SNTB1: variants seen among roughly 807,000 people sequenced by gnomAD.
SNTB1 encodes the protein syntrophin beta 1.
A neutral mutation model predicts 48.9 loss-of-function variants in SNTB1; 36 were observed. That is an observed-to-expected ratio of 0.74 (90% CI 0.56 to 0.97). SNTB1 has a LOEUF of 0.97. Among genes scored for constraint, SNTB1 ranks in the 50% least tolerant of loss-of-function variants. The pLI is 0.00. For synonymous variants in SNTB1, 299 were observed against 294.6 expected, an observed-to-expected ratio of 1.01 and a Z score of -0.15; for missense variants, 786 against 703.4, an observed-to-expected ratio of 1.12 and a Z score of -1.33.
intron 3 of SNTB1, among the ~76,000 whole-genome samples, chr8:120,603,431 C>T (rs554412206): frequency 2.3e-4 from 35 of 152,288 alleles, no homozygotes; most frequent in African/African-American, 7.9e-4. Context: ...TTTCCACACT[C>T]GTCACTTTTC....
chr8:120,678,108 A>C lies in SNTB1; in HGVS notation c.788+15584T>G, dbSNP rs76746689. ...TGAAAAAAACACCACATTATAAGTG[A>C]AAGTGTGCGCATAAAGGGTAAGTGA... On this transcript the variant is annotated intron_variant, in intron 2 of 6. Transcript: ENST00000517992. Among the ~76,000 whole-genome samples the C allele has an allele frequency of 8.3e-4, 127 of 152,310 alleles. No homozygotes were observed. In the East Asian group the frequency reaches 0.02, roughly 24 times the overall value.
chr8:120,780,123 C>T (rs1170754704), intron 1 of SNTB1, among the ~76,000 whole-genome samples: 1 of 148,658 alleles, frequency 6.7e-6, no homozygotes, highest in Non-Finnish European at 1.5e-5. Flanking sequence ...AGCAGGAGAA[C>T]CAGGAAAGAG....
chr8:120,811,837 C>T lies in SNTB1; in HGVS notation c.7G>A (p.Val3Ile), dbSNP rs1820443775. Residue 3 changes from valine to isoleucine, a missense_variant, in exon 1 of 7, where the codon GTA (valine) becomes ATA (isoleucine). Coordinates refer to ENST00000517992, the MANE Select transcript of SNTB1 (RefSeq NM_021021.4). ...CCAGCCGCCGCCGCCGCCGCCGCTA[C>T]CGCCATCTTTCCGGCATTCTTAAAA... MA[V>I]AAAAAAAGPA... is the part of the protein sequence containing the mutation. The T allele has an allele frequency of 7.4e-7, 1 of 1,347,430 alleles. No homozygotes were observed. Among genetic ancestry groups the T allele is most frequent in the Non-Finnish European group, 9.5e-7 (1 of 1,053,246 alleles). The allele number at this position is 1,347,430 out of a possible 1,614,324, so 83.5% of individuals were successfully genotyped here. A position where few individuals can be genotyped will look rare whatever the true frequency, so the allele number is the denominator to read the frequency against.
chr8:120,539,122 A>G (rs761368081), intron 6 of SNTB1, among the ~76,000 whole-genome samples, 153 bp from the exon 7 acceptor site: 2 of 152,214 alleles, frequency 1.3e-5, no homozygotes, highest in African/African-American at 4.8e-5. Flanking sequence ...TCAATGAGAT[A>G]AAGGAACAAC....
At chr8:120,575,788 C>A (rs4515597) in intron 3 of SNTB1, among the ~76,000 whole-genome samples, 1 of 151,862 alleles carries the variant, frequency 6.6e-6, no homozygotes, top group South Asian at 2.1e-4. Context: ...CATTCACCAC[C>A]CATAATTTAT....
At chr8:120,563,521 G>A (rs773964387) in intron 4 of SNTB1, among the ~76,000 whole-genome samples, 1 of 152,104 alleles carries the variant, frequency 6.6e-6, no homozygotes, top group African/African-American at 2.4e-5. Context: ...CTGCATGGCA[G>A]TCGACACCAG....
chr8:120,543,100 T>A (rs1815319926), intron 5 of SNTB1, among the ~76,000 whole-genome samples: 1 of 152,188 alleles, frequency 6.6e-6, no homozygotes, highest in East Asian at 1.9e-4. Flanking sequence ...ATTCTCACTA[T>A]GTTTAGGAAA....
At chr8:120,727,625 A>C in intron 1 of SNTB1, among the ~76,000 whole-genome samples, 1 of 152,208 alleles carries the variant, frequency 6.6e-6, no homozygotes, top group East Asian at 1.9e-4. Context: ...TCATATGTAG[A>C]CTATTGCAAC....
chr8:120,664,501 T>C (rs1050700235), intron 2 of SNTB1, among the ~76,000 whole-genome samples: 3 of 152,238 alleles, frequency 2.0e-5, no homozygotes, highest in Non-Finnish European at 4.4e-5. Flanking sequence ...TTGCATTTTC[T>C]AGAATTTTAA....
intron 2 of SNTB1, among the ~76,000 whole-genome samples, chr8:120,650,097 C>T (rs1425513465): frequency 2.0e-5 from 3 of 152,350 alleles, no homozygotes; most frequent in African/African-American, 7.2e-5. Context: ...AACCCAGTAC[C>T]TCAGATGGAA....
At chr8:120,651,281 C>G (rs1455239276) in intron 2 of SNTB1, among the ~76,000 whole-genome samples, 1 of 152,126 alleles carries the variant, frequency 6.6e-6, no homozygotes, top group Non-Finnish European at 1.5e-5. Context: ...TTTCTACTAT[C>G]CTGGAATGGA....
rs1815226843 is a variant in SNTB1, at chr8:120,538,068, A to G, written c.*809T>C. On this transcript the variant is annotated 3_prime_UTR_variant, in exon 7 of 7. Coordinates refer to ENST00000517992, the MANE Select transcript of SNTB1 (RefSeq NM_021021.4). ...AAAAAATACCCATAATTCACTCTCT[A>G]TAAATAAAGCTGTAATTCTTGGCTA... 1.3e-5 allele frequency: 2 copies of G among 152,362 alleles called. No individual in the cohort carries two copies. Among genetic ancestry groups the G allele is most frequent in the Admixed American group, 1.3e-4 (2 of 15,304 alleles). 9.4% of individuals were successfully genotyped at this position (152,362 alleles called of 1,614,324 possible).
At chr8:120,771,316 C>T (rs1217846129) in intron 1 of SNTB1, among the ~76,000 whole-genome samples, 1 of 152,192 alleles carries the variant, frequency 6.6e-6, no homozygotes, top group Non-Finnish European at 1.5e-5. Flanking sequence ...GGTGTGTTCT[C>T]TTTTCATTTC....
intron 3 of SNTB1, among the ~76,000 whole-genome samples, chr8:120,599,808 T>C (rs1282502995): frequency 2.0e-5 from 3 of 152,244 alleles, no homozygotes; most frequent in African/African-American, 7.2e-5. Flanking sequence ...GCAAAAGTCA[T>C]AGCTATTCAA....
At chr8:120,653,840 C>T (rs1259983801) in intron 2 of SNTB1, among the ~76,000 whole-genome samples, 3 of 151,548 alleles carry the variant, frequency 2.0e-5, no homozygotes, top group Non-Finnish European at 4.4e-5. Context: ...GAGATCGAGA[C>T]CATCCTGGCT....
intron 1 of SNTB1, chr8:120,776,823 T>C (rs1563598792): frequency 1.3e-5 from 2 of 152,112 alleles, no homozygotes; most frequent in East Asian, 3.9e-4. Flanking sequence ...GAATAAACAA[T>C]CTACATGTCC....
intron 1 of SNTB1, among the ~76,000 whole-genome samples, chr8:120,717,709 G>A (rs903470874): frequency 2.0e-5 from 3 of 152,178 alleles, no homozygotes; most frequent in African/African-American, 7.2e-5. Context: ...GTGCAGAGTG[G>A]AAGGCAGTCC....
chr8:120,718,656 G>A (rs146267821), intron 1 of SNTB1, among the ~76,000 whole-genome samples: 1,889 of 152,268 alleles, frequency 0.012, 26 homozygotes, highest in Middle Eastern at 0.041. Flanking sequence ...TTCCGGAAGG[G>A]GAAGGGAAAT....
chr8:120,599,000 A>G (rs1431623370), intron 3 of SNTB1, among the ~76,000 whole-genome samples: 1 of 152,198 alleles, frequency 6.6e-6, no homozygotes, highest in Non-Finnish European at 1.5e-5. Flanking sequence ...AAGGTCTTCA[A>G]TATGTACAAC....
Sources: allele counts gnomAD v4.1 joint callset (sites outside exome capture counted in the v4.1 genomes callset), GRCh38; gene constraint gnomAD v4.1.1; transcripts MANE v1.5; gene names NCBI Gene and HGNC (gene_info 2026-07-23, HGNC 2026-07-21).